The following INO80D variants were observed in gnomAD, a reference collection of about 807,000 sequenced individuals.
INO80D encodes the protein INO80 complex subunit D.
Under a neutral mutation model 87.6 loss-of-function variants are expected in INO80D, and 21 were observed. The ratio of observed to expected loss-of-function variants is 0.24; its 90% CI spans 0.17 to 0.35. INO80D has a LOEUF of 0.35. Ranked by LOEUF, INO80D falls within the 10% of genes least tolerant of loss-of-function variation. INO80D has a pLI of 1.00. For missense variants in INO80D, 982 were observed against 1,280.7 expected (o/e 0.77, Z 3.56); for synonymous variants, 440 against 491.0 (o/e 0.90, Z 1.37).
intron 1 of INO80D, among the ~76,000 whole-genome samples, chr2:206,081,328 C>A (rs888916606): frequency 1.2e-4 from 18 of 152,156 alleles, no homozygotes; most frequent in Non-Finnish European, 4.4e-5. Flanking sequence ...AGTGGTTATC[C>A]TTTGAGTGGG....
At chr2:206,080,344 G>A (rs1302335786) in intron 1 of INO80D, among the ~76,000 whole-genome samples, 1 of 152,158 alleles carries the variant, frequency 6.6e-6, no homozygotes, top group Non-Finnish European at 1.5e-5. Context: ...ACCTGAAAGA[G>A]CGGAACGAGG....
At chr2:206,010,897 G>T (rs1688156461) in intron 8 of INO80D, among the ~76,000 whole-genome samples, 1 of 151,998 alleles carries the variant, frequency 6.6e-6, no homozygotes, top group Non-Finnish European at 1.5e-5. Context: ...GGCCAACATG[G>T]CGAAACTCCA....
chr2:206,057,778 G>A (rs818010), intron 3 of INO80D, among the ~76,000 whole-genome samples: 144,421 of 152,056 alleles, frequency 0.95, 68,824 homozygotes, highest in East Asian at 1. Flanking sequence ...TGCTCATGTA[G>A]CCAAATACCA....
chr2:206,006,975 G>T (rs924532893), intron 10 of INO80D, among the ~76,000 whole-genome samples: 1 of 152,214 alleles, frequency 6.6e-6, no homozygotes, highest in Non-Finnish European at 1.5e-5. Context: ...TGAACCCGGA[G>T]GCAGAAGCTG....
chr2:206,080,538 C>A (rs1042671903), intron 1 of INO80D, among the ~76,000 whole-genome samples: 4 of 152,106 alleles, frequency 2.6e-5, no homozygotes, highest in Admixed American at 2.0e-4. Context: ...TTATAATATT[C>A]TCTCTGTACT....
intron 1 of INO80D, among the ~76,000 whole-genome samples, chr2:206,080,137 G>A (rs959263014): frequency 5.3e-5 from 8 of 152,302 alleles, no homozygotes; most frequent in South Asian, 4.1e-4. Context: ...GGCAGAGAAC[G>A]TGTCTCTATT....
At chr2:206,059,458 T>C (rs1689626170) in intron 3 of INO80D, among the ~76,000 whole-genome samples, 1 of 152,096 alleles carries the variant, frequency 6.6e-6, no homozygotes, top group African/African-American at 2.4e-5. Context: ...AAAAACATAG[T>C]TTGGGAAAAG....
chr2:206,065,910 G>C (rs1001063754), intron 1 of INO80D, among the ~76,000 whole-genome samples: 3 of 152,174 alleles, frequency 2.0e-5, no homozygotes, highest in Non-Finnish European at 4.4e-5. Context: ...TGAGGAAGCA[G>C]CAAAAAGGGA....
intron 4 of INO80D, among the ~76,000 whole-genome samples, chr2:206,055,997 C>G (rs1689506540): frequency 6.6e-6 from 1 of 152,152 alleles, no homozygotes; most frequent in Admixed American, 6.5e-5. Flanking sequence ...AGACCTGGAA[C>G]CAATCCACCA....
At chr2:206,014,002 A>AG (rs1365487816) in intron 8 of INO80D, among the ~76,000 whole-genome samples, 1 of 152,000 alleles carries the variant, frequency 6.6e-6, no homozygotes, top group Non-Finnish European at 1.5e-5. Flanking sequence ...CTACTAAAAA[A>AG]AACAAAAATT....
intron 1 of INO80D, among the ~76,000 whole-genome samples, chr2:206,067,524 T>G (rs1689851964): frequency 6.6e-6 from 1 of 152,204 alleles, no homozygotes; most frequent in African/African-American, 2.4e-5. Flanking sequence ...ATTACCCTGC[T>G]GATTACTATA....
rs115497551 is a variant in INO80D, at chr2:206,051,999, A to C, written c.964+4199T>G. 2.6e-5 allele frequency among the ~76,000 whole-genome samples: 4 copies of C among 152,268 alleles called. No individual in the cohort carries two copies. In the East Asian group the frequency reaches 7.7e-4, roughly 29 times the overall value. On this transcript the variant is annotated intron_variant, in intron 4 of 10. Transcript: ENST00000403263. ...CGCAGTTGTAAAGGAGTTTTATTTGAGAATATTCTTGTTTGTTAAAGATTA... is the reference window on the plus strand; with the variant it reads ...CGCAGTTGTAAAGGAGTTTTATTTGCGAATATTCTTGTTTGTTAAAGATTA...
Position 206,009,557 on chromosome 2 carries a change from GT to G in INO80D, c.1760+19del, listed in dbSNP as rs1205512761. ...ATCCCAAAATGTAAAGAAAAATTAGGTGCCAGTGGCACCACTGACCGGATGT... is the reference window on the plus strand; with the variant it reads ...ATCCCAAAATGTAAAGAAAAATTAGGGCCAGTGGCACCACTGACCGGATGT... On this transcript the variant is annotated intron_variant, in intron 9 of 10. Transcript: ENST00000403263. 2 of 1,567,692 alleles carry G rather than the reference GT, an allele frequency of 1.3e-6. No homozygotes were observed. The highest frequency in any genetic ancestry group is 3.9e-5 in the Admixed American group (2 of 51,348).
intron 10 of INO80D, among the ~76,000 whole-genome samples, chr2:206,005,998 G>A (rs942969467): frequency 6.6e-6 from 1 of 152,182 alleles, no homozygotes; most frequent in Non-Finnish European, 1.5e-5. Flanking sequence ...AGCTGTGGAA[G>A]GTTAAAACAC....
rs1018898954 is a variant in INO80D, at chr2:206,013,349, C to G, written c.1543-3555G>C. Among the ~76,000 whole-genome samples the G allele has an allele frequency of 2.6e-5, 4 of 152,096 alleles. No individual in the cohort carries two copies. The East Asian group carries it at 7.7e-4, about 29-fold the overall frequency. ...TGGGCGGATCATGAGGTCAGGAGATCGAGATCTTCCTGGCTAACATGGTGA... is the reference window on the plus strand; with the variant it reads ...TGGGCGGATCATGAGGTCAGGAGATGGAGATCTTCCTGGCTAACATGGTGA... On this transcript the variant is annotated intron_variant, in intron 8 of 10. Transcript: ENST00000403263.
chr2:206,019,251 ATCT>A (rs1189336872), intron 7 of INO80D, among the ~76,000 whole-genome samples: 2 of 152,224 alleles, frequency 1.3e-5, no homozygotes, highest in Non-Finnish European at 2.9e-5. Flanking sequence ...TTTAAAAGAG[ATCT>A]TCTTTCCTAG....
At chr2:206,055,238 C>T (rs1689481851) in intron 4 of INO80D, among the ~76,000 whole-genome samples, 2 of 152,088 alleles carry the variant, frequency 1.3e-5, no homozygotes, top group Admixed American at 1.3e-4. Context: ...GAATAAATTT[C>T]AACTGAATTA....
chr2:206,009,836 G>T, intron 8 of INO80D, 42 bp from the exon 9 acceptor site: 2 of 1,498,144 alleles, frequency 1.3e-6, no homozygotes, highest in Non-Finnish European at 1.8e-6. Context: ...AGATTATCTG[G>T]GATAAACCTG....
intron 3 of INO80D, among the ~76,000 whole-genome samples, chr2:206,061,088 A>G (rs1159213634): frequency 6.6e-6 from 1 of 151,932 alleles, no homozygotes; most frequent in African/African-American, 2.4e-5. Context: ...ATTACTGTTC[A>G]CTGCAGCCTC....
Sources: allele counts gnomAD v4.1 joint callset (sites outside exome capture counted in the v4.1 genomes callset), GRCh38; gene constraint gnomAD v4.1.1; transcripts MANE v1.5; gene names NCBI Gene and HGNC (gene_info 2026-07-23, HGNC 2026-07-21).